The following CNBD1 variants were observed in gnomAD, a reference collection of about 807,000 sequenced individuals.
CNBD1 encodes the protein cyclic nucleotide binding domain containing 1.
In CNBD1, 71 loss-of-function variants were observed where a neutral mutation model predicts 54.4. The observed-to-expected ratio is 1.30, with a 90% CI of 1.08 to 1.59. CNBD1 has a LOEUF of 1.59. Among genes scored for constraint, CNBD1 ranks in the 40% most tolerant of loss-of-function variants. The pLI, the probability that CNBD1 is intolerant of heterozygous loss-of-function variation, is 0.00. For missense variants in CNBD1, 659 were observed against 518.0 expected, an observed-to-expected ratio of 1.27 and a Z score of -2.64; for synonymous variants, 182 against 170.7, an observed-to-expected ratio of 1.07 and a Z score of -0.51.
At chr8:86,945,759 G>A (rs1473051415) in intron 4 of CNBD1, among the ~76,000 whole-genome samples, 1 of 152,166 alleles carries the variant, frequency 6.6e-6, no homozygotes, top group Non-Finnish European at 1.5e-5. Flanking sequence ...ACAGAAGAAT[G>A]GGAAATAAAG....
intron 4 of CNBD1, among the ~76,000 whole-genome samples, chr8:87,128,796 A>G (rs113215746): frequency 6.6e-6 from 1 of 151,470 alleles, no homozygotes; most frequent in Non-Finnish European, 1.5e-5. Flanking sequence ...GAATTTTGCT[A>G]TGTTCAGCCG....
At chr8:86,978,951 A>G (rs1808406376) in intron 4 of CNBD1, among the ~76,000 whole-genome samples, 2 of 152,200 alleles carry the variant, frequency 1.3e-5, no homozygotes, top group Non-Finnish European at 1.5e-5. Context: ...AGTTGACTGT[A>G]TATAGCTGAA....
chr8:87,262,344 G>A (rs1316819612), intron 6 of CNBD1, among the ~76,000 whole-genome samples: 1 of 152,098 alleles, frequency 6.6e-6, no homozygotes, highest in African/African-American at 2.4e-5. Context: ...CTGATGTGAT[G>A]TTTAATTTTA....
chr8:86,897,996 G>A (rs950721072), intron 2 of CNBD1, among the ~76,000 whole-genome samples: 2 of 152,126 alleles, frequency 1.3e-5, no homozygotes, highest in East Asian at 1.9e-4. Flanking sequence ...GTTAAATAAA[G>A]TATGGCATAT....
chr8:87,048,644 C>T (rs1810250246), intron 4 of CNBD1, among the ~76,000 whole-genome samples: 2 of 152,154 alleles, frequency 1.3e-5, no homozygotes. Context: ...CTCTTACCAC[C>T]TCAGAGGACT....
rs571894936 is a variant in CNBD1, at chr8:87,087,588, C to T, written c.432-118405C>T. On this transcript the variant is annotated intron_variant, in intron 4 of 10. Coordinates refer to ENST00000518476, the MANE Select transcript of CNBD1 (RefSeq NM_173538.3). ...ACGCCATTCTCCTGCCTCAGCCTCC[C>T]GAGTAGCTGGGACTACAGGCGCCAG... Among the ~76,000 whole-genome samples the T allele has an allele frequency of 3.3e-4, 50 of 151,246 alleles. 1 individual carries two copies. Among genetic ancestry groups the T allele is most frequent in the Admixed American group, 7.2e-4 (11 of 15,190 alleles).
At chr8:87,098,257 G>A (rs1043659000) in intron 4 of CNBD1, among the ~76,000 whole-genome samples, 1 of 152,164 alleles carries the variant, frequency 6.6e-6, no homozygotes, top group Non-Finnish European at 1.5e-5. Flanking sequence ...TTAAGATAAA[G>A]TTTTAGGCTT....
At chr8:87,129,086 AAAAAAG>A (rs1185948630) in intron 4 of CNBD1, among the ~76,000 whole-genome samples, 3 of 146,098 alleles carry the variant, frequency 2.1e-5, no homozygotes, top group South Asian at 2.1e-4. Flanking sequence ...AAAAAAAAAA[AAAAAAG>A]AATTTTGCTA....
chr8:87,229,823 A>G (rs1814628199), intron 5 of CNBD1, among the ~76,000 whole-genome samples: 1 of 152,224 alleles, frequency 6.6e-6, no homozygotes, highest in Admixed American at 6.5e-5. Flanking sequence ...TTCTCAAATA[A>G]TTTTGATAGA....
chr8:87,152,645 C>A (rs1487634279), intron 4 of CNBD1, among the ~76,000 whole-genome samples: 1 of 152,178 alleles, frequency 6.6e-6, no homozygotes, highest in East Asian at 1.9e-4. Context: ...ACTGAGCTGT[C>A]CATCATCCCC....
chr8:87,150,706 G>A (rs1029123648), intron 4 of CNBD1, among the ~76,000 whole-genome samples: 7 of 152,136 alleles, frequency 4.6e-5, no homozygotes, highest in Admixed American at 3.9e-4. Context: ...AGAATGTTGT[G>A]GGGAGGTTGT....
chr8:86,989,863 A>G (rs1461117041), intron 4 of CNBD1, among the ~76,000 whole-genome samples: 2 of 152,188 alleles, frequency 1.3e-5, no homozygotes, highest in Middle Eastern at 3.4e-3. Flanking sequence ...AGCATTTATT[A>G]TTGCCTCTCC....
At chr8:87,317,230 T>C (rs1809407490) in intron 8 of CNBD1, among the ~76,000 whole-genome samples, 1 of 151,278 alleles carries the variant, frequency 6.6e-6, no homozygotes, top group Admixed American at 6.6e-5. Flanking sequence ...TTCTTCTGTT[T>C]GTTTGGGGTT....
intron 6 of CNBD1, among the ~76,000 whole-genome samples, chr8:87,243,659 AC>A (rs1479054507): frequency 6.6e-6 from 1 of 152,200 alleles, no homozygotes; most frequent in Non-Finnish European, 1.5e-5. Context: ...AATATGCAAC[AC>A]AACTACTATA....
chr8:87,060,923 A>C (rs1810530882), intron 4 of CNBD1, among the ~76,000 whole-genome samples: 1 of 152,188 alleles, frequency 6.6e-6, no homozygotes, highest in Admixed American at 6.5e-5. Context: ...GCTGGTCACC[A>C]ATAAATATTC....
chr8:87,049,535 T>C (rs114585684), intron 4 of CNBD1, among the ~76,000 whole-genome samples: 116 of 152,244 alleles, frequency 7.6e-4, no homozygotes, highest in African/African-American at 2.7e-3. Context: ...CCTTATGGGT[T>C]TCTTGTTCTG....
chr8:87,009,234 C>A (rs1809165379), intron 4 of CNBD1, among the ~76,000 whole-genome samples: 1 of 152,070 alleles, frequency 6.6e-6, no homozygotes, highest in Non-Finnish European at 1.5e-5. Flanking sequence ...GCCTTCTGCT[C>A]TTTTTCTGCC....
At chr8:86,926,658 C>G (rs1481867112) in intron 3 of CNBD1, among the ~76,000 whole-genome samples, 1 of 152,166 alleles carries the variant, frequency 6.6e-6, no homozygotes, top group Non-Finnish European at 1.5e-5. Context: ...AAAAACAACA[C>G]TCTTTCCCCT....
intron 8 of CNBD1, among the ~76,000 whole-genome samples, chr8:87,301,639 T>G (rs1808995176): frequency 6.6e-6 from 1 of 151,686 alleles, no homozygotes; most frequent in South Asian, 2.1e-4. Flanking sequence ...AAATCACAAC[T>G]AAGAGCAGAA....
Sources: gnomAD v4.1 joint callset for allele counts (sites outside exome capture counted in the v4.1 genomes callset) on GRCh38, gnomAD v4.1.1 for gene constraint, MANE v1.5 for transcripts, NCBI Gene and HGNC (gene_info 2026-07-23, HGNC 2026-07-21) for gene names.